NEK11: variants seen among roughly 807,000 people sequenced by gnomAD.
The protein encoded by NEK11 is serine/threonine-protein kinase Nek11.
NEK11 carries 72 observed loss-of-function variants against 80.7 expected under a neutral mutation model. The ratio of observed to expected loss-of-function variants is 0.89; its 90% CI spans 0.74 to 1.08. The LOEUF (loss-of-function observed/expected upper bound fraction) is 1.08. NEK11 is among the 50% of genes least tolerant of loss of function. The pLI is 0.00. For synonymous variants in NEK11, 251 were observed against 260.7 expected (o/e 0.96, Z 0.36); for missense variants, 764 against 763.6 (o/e 1.00, Z -0.01).
chr3:131,292,016 T>G (rs1037874350), intron 17 of NEK11, among the ~76,000 whole-genome samples: 1 of 152,230 alleles, frequency 6.6e-6, no homozygotes, highest in African/African-American at 2.4e-5. Context: ...ATCTAGGTTT[T>G]CTTTTATGTT....
chr3:131,274,900 G>T lies in NEK11; in HGVS notation c.1718+1326G>T, dbSNP rs541097093. Among the ~76,000 whole-genome samples the T allele has an allele frequency of 6.6e-5, 10 of 151,930 alleles. No homozygotes were observed. The East Asian group carries it at 7.7e-4, about 12-fold the overall frequency. Reference sequence around the variant, plus strand: ...GATCTCCTGACCTCGTGATCCACCCGCCTCGGCCTCCCAAAGTGCTGGGAT... The same window carrying T: ...GATCTCCTGACCTCGTGATCCACCCTCCTCGGCCTCCCAAAGTGCTGGGAT... On this transcript the variant is annotated intron_variant, in intron 17 of 17. Coordinates refer to ENST00000383366, the MANE Select transcript of NEK11 (RefSeq NM_024800.5).
chr3:131,305,592 G>A (rs2096715024), intron 17 of NEK11, among the ~76,000 whole-genome samples: 1 of 152,134 alleles, frequency 6.6e-6, no homozygotes, highest in South Asian at 2.1e-4. Flanking sequence ...CACTGCAGAT[G>A]TTTCTACACC....
chr3:131,162,330 A>G (rs2091699267), intron 10 of NEK11, 78 bp from the exon 11 acceptor site: 1 of 1,544,728 alleles, frequency 6.5e-7, no homozygotes. Context: ...GTGTAGTGAT[A>G]CTTTTATAAA....
At chr3:131,100,533 G>A (rs1404655079) in intron 4 of NEK11, among the ~76,000 whole-genome samples, 1 of 152,156 alleles carries the variant, frequency 6.6e-6, no homozygotes, top group Non-Finnish European at 1.5e-5. Context: ...TCATGCCATT[G>A]CACTCCAGCA....
At position 131,315,047 on chromosome 3, in the gene NEK11, T is replaced by C. The variant is rs139920884; in HGVS notation, c.1719-34510T>C. 4.8e-3 allele frequency among the ~76,000 whole-genome samples: 728 copies of C among 152,312 alleles called. 6 individuals carry two copies. Among genetic ancestry groups the C allele is most frequent in the Non-Finnish European group, 5.7e-3 (388 of 68,032 alleles). On this transcript the variant is annotated intron_variant, in intron 17 of 17. Transcript: ENST00000383366. ...ATGTTTTGATACATGTACCTTGATA[T>C]ACACATACGTAGTGAAGTAATTACT...
chr3:131,177,187 A>G (rs1025574853), intron 14 of NEK11, among the ~76,000 whole-genome samples: 1 of 152,214 alleles, frequency 6.6e-6, no homozygotes, highest in Non-Finnish European at 1.5e-5. Flanking sequence ...TATGATGGCC[A>G]AAGAAAGCTA....
intron 17 of NEK11, among the ~76,000 whole-genome samples, chr3:131,297,776 C>G (rs2096612587): frequency 6.6e-6 from 1 of 152,146 alleles, no homozygotes; most frequent in African/African-American, 2.4e-5. Flanking sequence ...AGGTTTTCTT[C>G]TAAGGTTTTT....
At chr3:131,261,960 C>T (rs2095930414) in intron 16 of NEK11, among the ~76,000 whole-genome samples, 2 of 149,824 alleles carry the variant, frequency 1.3e-5, no homozygotes, top group Admixed American at 6.6e-5. Flanking sequence ...TGGAAATAAG[C>T]AAAATAAAGA....
chr3:131,289,036 A>T (rs1036472735), intron 17 of NEK11, among the ~76,000 whole-genome samples: 4 of 152,224 alleles, frequency 2.6e-5, no homozygotes, highest in Non-Finnish European at 4.4e-5. Context: ...TCGGGTTGCC[A>T]TAACAAAGTA....
In NEK11 at chr3:131,152,523, T is replaced by C; in HGVS notation, c.783T>C (p.Asn261=). Reference sequence around the variant, plus strand: ...CTGAGAGATATCCAAAAGAACTAAATGCCATCATGGAAAGGTATAGAAATA... The same window carrying C: ...CTGAGAGATATCCAAAAGAACTAAACGCCATCATGGAAAGGTATAGAAATA... The part of the protein sequence containing the change: ...SLPERYPKEL[N]AIMESMLNKN... Residue 261 remains asparagine (N), a synonymous_variant, in exon 8 of 18, where the codon AAT becomes AAC. Transcript: ENST00000383366. The C allele has an allele frequency of 2.5e-6, 4 of 1,613,336 alleles. No homozygotes were observed. Among genetic ancestry groups the C allele is most frequent in the Non-Finnish European group, 3.4e-6 (4 of 1,179,654 alleles).
At chr3:131,322,212 C>G (rs2096904403) in intron 17 of NEK11, among the ~76,000 whole-genome samples, 1 of 152,110 alleles carries the variant, frequency 6.6e-6, no homozygotes, top group Admixed American at 6.5e-5. Context: ...AGCTGGAGAC[C>G]ATTATTCTAA....
chr3:131,032,770 T>G (rs1331520652), intron 3 of NEK11, among the ~76,000 whole-genome samples: 1 of 152,234 alleles, frequency 6.6e-6, no homozygotes, highest in Non-Finnish European at 1.5e-5. Flanking sequence ...GATATCTGCC[T>G]ATTTATATAA....
chr3:131,037,735 T>C (rs1165031388), intron 3 of NEK11, among the ~76,000 whole-genome samples: 2 of 152,262 alleles, frequency 1.3e-5, no homozygotes, highest in African/African-American at 4.8e-5. Flanking sequence ...TACCTATTTA[T>C]GGATATTTCT....
chr3:131,252,777 C>G (rs970603972), intron 16 of NEK11, among the ~76,000 whole-genome samples: 8 of 152,112 alleles, frequency 5.3e-5, no homozygotes, highest in African/African-American at 1.9e-4. Context: ...TGCTGATGCT[C>G]TGGGTCCAGA....
intron 17 of NEK11, among the ~76,000 whole-genome samples, chr3:131,297,492 C>T (rs1422255579): frequency 6.6e-6 from 1 of 152,108 alleles, no homozygotes; most frequent in Non-Finnish European, 1.5e-5. Flanking sequence ...GTCCTTCACC[C>T]ACTTTTTGAT....
chr3:131,199,863 G>A (rs901431885), intron 14 of NEK11, among the ~76,000 whole-genome samples: 2 of 152,058 alleles, frequency 1.3e-5, no homozygotes, highest in African/African-American at 4.8e-5. Context: ...TAAAAACAGG[G>A]AATTACAGAA....
At chr3:131,144,543 A>G (rs2087718048) in intron 7 of NEK11, among the ~76,000 whole-genome samples, 1 of 152,170 alleles carries the variant, frequency 6.6e-6, no homozygotes, top group African/African-American at 2.4e-5. Flanking sequence ...GTACATAGAA[A>G]TATAGTCACC....
At chr3:131,344,876 C>T (rs1194534214) in intron 17 of NEK11, among the ~76,000 whole-genome samples, 2 of 152,122 alleles carry the variant, frequency 1.3e-5, no homozygotes, top group African/African-American at 2.4e-5. Flanking sequence ...GCTCCCAAGA[C>T]CCAAACACCT....
intron 17 of NEK11, chr3:131,330,422 G>A (rs922553178): frequency 6.6e-6 from 1 of 152,154 alleles, no homozygotes; most frequent in African/African-American, 2.4e-5. Context: ...ACAGTTTAAG[G>A]GAGGATTTAA....
Sources: allele counts gnomAD v4.1 joint callset (sites outside exome capture counted in the v4.1 genomes callset), GRCh38; gene constraint gnomAD v4.1.1; transcripts MANE v1.5; gene names NCBI Gene and HGNC (gene_info 2026-07-23, HGNC 2026-07-21).